The following EIF2B3 variants were observed in gnomAD, a reference collection of about 807,000 sequenced individuals.
EIF2B3 encodes the protein translation initiation factor eIF2B subunit gamma.
Under a neutral mutation model 54.1 loss-of-function variants are expected in EIF2B3, and 20 were observed. The observed-to-expected ratio is 0.37, with a 90% confidence interval of 0.26 to 0.54. The LOEUF (loss-of-function observed/expected upper bound fraction) is 0.54, where lower values mean the gene tolerates loss of function less well. Ranked by LOEUF, EIF2B3 falls within the 20% of genes least tolerant of loss-of-function variation. The pLI, the probability that EIF2B3 is intolerant of heterozygous loss-of-function variation, is 0.86. For missense variants in EIF2B3, 448 were observed against 547.8 expected (o/e 0.82, Z 1.82); for synonymous variants, 153 against 188.1 (o/e 0.81, Z 1.52).
chr1:44,952,210 G>A lies in EIF2B3; in HGVS notation c.295-10545C>T, dbSNP rs1339343496. ...GATCTCCTGACCTCGTGATCCGCCC[G>A]CCTCGGCCTCCCAAAGTGCTGGGAT... On this transcript the variant is annotated intron_variant, in intron 3 of 11. Coordinates refer to ENST00000360403, the MANE Select transcript of EIF2B3 (RefSeq NM_020365.5). 5.6e-5 allele frequency among the ~76,000 whole-genome samples: 7 copies of A among 124,556 alleles called. 2 individuals carry two copies. The highest frequency in any genetic ancestry group is 1.1e-4 in the Non-Finnish European group (6 of 56,290). The allele number at this position is 124,556 out of a possible 152,430, so 81.7% of individuals were successfully genotyped here.
chr1:44,955,679 C>A lies in EIF2B3; in HGVS notation c.295-14014G>T, dbSNP rs192855870. Among the ~76,000 whole-genome samples the A allele has an allele frequency of 6.8e-3, 1,029 of 151,666 alleles. 9 individuals carry two copies. The highest frequency in any genetic ancestry group is 0.021 in the African/African-American group (876 of 41,362). On this transcript the variant is annotated intron_variant, in intron 3 of 11. Coordinates refer to ENST00000360403, the MANE Select transcript of EIF2B3 (RefSeq NM_020365.5). Reference sequence around the variant, plus strand: ...TAAACAAATTTATAAGAAAAAAAAACCCCATCAAAAAGTGGGCAAACGATA... The same window carrying A: ...TAAACAAATTTATAAGAAAAAAAAAACCCATCAAAAAGTGGGCAAACGATA...
chr1:44,928,126 C>T (rs951503961), intron 4 of EIF2B3, among the ~76,000 whole-genome samples: 5 of 150,646 alleles, frequency 3.3e-5, no homozygotes, highest in African/African-American at 1.2e-4. Context: ...CACTCCAGCT[C>T]GGGTGACAGA....
chr1:44,887,997 G>C (rs1446830572), intron 6 of EIF2B3, among the ~76,000 whole-genome samples: 1 of 152,172 alleles, frequency 6.6e-6, no homozygotes, highest in Non-Finnish European at 1.5e-5. Flanking sequence ...TGACCCAAAA[G>C]AAACAGTCTG....
chr1:44,937,826 G>C (rs971766101), intron 4 of EIF2B3, among the ~76,000 whole-genome samples: 2 of 142,118 alleles, frequency 1.4e-5, no homozygotes, highest in African/African-American at 5.2e-5. Context: ...GGAGCTTGCA[G>C]TGAGCCGAGA....
intron 6 of EIF2B3, among the ~76,000 whole-genome samples, chr1:44,896,231 G>A (rs1182367827): frequency 4.0e-5 from 6 of 151,728 alleles, no homozygotes; most frequent in Non-Finnish European, 7.4e-5. Flanking sequence ...TTTTTCAGAG[G>A]TCAGAAGGGA....
At chr1:44,977,759 C>CTAGAT (rs1296963073) in intron 3 of EIF2B3, among the ~76,000 whole-genome samples, 1 of 152,154 alleles carries the variant, frequency 6.6e-6, no homozygotes, top group Non-Finnish European at 1.5e-5. Context: ...TGTGCCTGGC[C>CTAGAT]TAGAGTATGT....
At chr1:44,957,889 C>T (rs1376969196) in intron 3 of EIF2B3, among the ~76,000 whole-genome samples, 1 of 152,172 alleles carries the variant, frequency 6.6e-6, no homozygotes, top group African/African-American at 2.4e-5. Flanking sequence ...CTAACTAGTA[C>T]AACACTTTTG....
At chr1:44,857,304 C>A (rs1021579175) in intron 11 of EIF2B3, among the ~76,000 whole-genome samples, 1 of 152,168 alleles carries the variant, frequency 6.6e-6, no homozygotes, top group Non-Finnish European at 1.5e-5. Flanking sequence ...CTGAGGTGGG[C>A]AGTTCTCCTG....
chr1:44,891,548 A>C (rs1191717923), intron 6 of EIF2B3, among the ~76,000 whole-genome samples: 2 of 152,168 alleles, frequency 1.3e-5, no homozygotes, highest in African/African-American at 4.8e-5. Context: ...ACACTTATTT[A>C]ATGCTCAGGA....
At chr1:44,973,198 G>C (rs1356303564) in intron 3 of EIF2B3, among the ~76,000 whole-genome samples, 1 of 152,162 alleles carries the variant, frequency 6.6e-6, no homozygotes, top group Non-Finnish European at 1.5e-5. Context: ...ACATTTCTCA[G>C]TATAAATCAA....
At chr1:44,856,192 G>T (rs1335294216) in intron 11 of EIF2B3, among the ~76,000 whole-genome samples, 1 of 152,054 alleles carries the variant, frequency 6.6e-6, no homozygotes, top group Admixed American at 6.6e-5. Flanking sequence ...ATTCTCCAAG[G>T]TAGCTATTAT....
chr1:44,955,606 A>G (rs1192935097), intron 3 of EIF2B3, among the ~76,000 whole-genome samples: 2 of 152,200 alleles, frequency 1.3e-5, no homozygotes, highest in Non-Finnish European at 2.9e-5. Context: ...AAATTTTGCA[A>G]TCTATCCATC....
At chr1:44,955,885 G>A (rs1644218239) in intron 3 of EIF2B3, among the ~76,000 whole-genome samples, 1 of 152,200 alleles carries the variant, frequency 6.6e-6, no homozygotes, top group Non-Finnish European at 1.5e-5. Context: ...AGGATGTGGA[G>A]AAACAGGAAT....
chr1:44,921,127 T>C (rs1444114902), intron 5 of EIF2B3, among the ~76,000 whole-genome samples: 1 of 152,250 alleles, frequency 6.6e-6, no homozygotes, highest in Non-Finnish European at 1.5e-5. Context: ...ATTTGCATTC[T>C]CTGATGATCA....
chr1:44,980,791 C>G (rs1164976615), intron 2 of EIF2B3, among the ~76,000 whole-genome samples: 1 of 152,070 alleles, frequency 6.6e-6, no homozygotes, highest in African/African-American at 2.4e-5. Flanking sequence ...GATATCTTTA[C>G]AGAGTTCGTC....
At chr1:44,956,562 A>C (rs1644228320) in intron 3 of EIF2B3, among the ~76,000 whole-genome samples, 1 of 152,202 alleles carries the variant, frequency 6.6e-6, no homozygotes, top group Admixed American at 6.5e-5. Flanking sequence ...TAGATGAAGC[A>C]GATAAAAAAT....
At chr1:44,961,738 T>C (rs1231401930) in intron 3 of EIF2B3, among the ~76,000 whole-genome samples, 1 of 152,202 alleles carries the variant, frequency 6.6e-6, no homozygotes, top group Non-Finnish European at 1.5e-5. Context: ...CTAAAAATAT[T>C]AATATTTTAT....
Position 44,981,126 on chromosome 1 carries a change from G to C in EIF2B3, c.43C>G (p.Arg15Gly). The change falls in exon 2 of 12, where the codon CGG becomes GGG. Residue 15 changes from arginine to glycine, a missense_variant. Physicochemically the swap from Arg to Gly is moderately radical, Grantham distance 125. Transcript: ENST00000360403. Reference sequence around the variant, plus strand: ...ATGCTGGAAGTTAGGTCTGTCATCCGAGATCCTCCACCTACTGCCATCACT... The same window carrying C: ...ATGCTGGAAGTTAGGTCTGTCATCCCAGATCCTCCACCTACTGCCATCACT... ...AVVMAVGGGS[R>G]MTDLTSSIPK... The C allele has an allele frequency of 2.5e-6, 4 of 1,612,604 alleles. No individual in the cohort carries two copies. Among genetic ancestry groups the C allele is most frequent in the Non-Finnish European group, 3.4e-6 (4 of 1,179,848 alleles).
intron 4 of EIF2B3, among the ~76,000 whole-genome samples, chr1:44,939,812 AT>A (rs1388580265): frequency 3.3e-5 from 5 of 152,132 alleles, no homozygotes; most frequent in Non-Finnish European, 5.9e-5. Flanking sequence ...GAATAAGTTG[AT>A]TTTTTAATTG....
Sources: gnomAD v4.1 joint callset for allele counts (sites outside exome capture counted in the v4.1 genomes callset) on GRCh38, gnomAD v4.1.1 for gene constraint, MANE v1.5 for transcripts, NCBI Gene and HGNC (gene_info 2026-07-23, HGNC 2026-07-21) for gene names.